The following SDK2 variants were observed in gnomAD, a reference collection of about 807,000 sequenced individuals.
The protein encoded by SDK2 is sidekick cell adhesion molecule 2.
SDK2 carries 105 observed loss-of-function variants against 253.9 expected under a neutral mutation model. That is an observed-to-expected ratio of 0.41 (90% CI 0.35 to 0.49). The LOEUF is 0.49. Among genes scored for constraint, SDK2 ranks in the 20% least tolerant of loss-of-function variants. The pLI, the probability that SDK2 is intolerant of heterozygous loss-of-function variation, is 0.06. For missense variants in SDK2, 2,608 were observed against 3,003.0 expected (o/e 0.87, Z 3.07); for synonymous variants, 1,249 against 1,234.9 (o/e 1.01, Z -0.24).
Position 73,467,638 on chromosome 17 carries a change from A to ATGGGGGAGG in SDK2, c.331+4465_331+4473dup, listed in dbSNP as rs1307813553. Among the ~76,000 whole-genome samples the ATGGGGGAGG allele has an allele frequency of 6.6e-6, 1 of 152,258 alleles. No homozygotes were observed. The highest frequency in any genetic ancestry group is 2.4e-5 in the African/African-American group (1 of 41,556). On this transcript the variant is annotated intron_variant, in intron 3 of 44. Transcript: ENST00000392650. This position sits in a 1 kb window ranked among gnomAD's most constrained non-coding sequence, Gnocchi z 4.1. Reference sequence around the variant, plus strand: ...GCCAGTGTGTCCAGCAAGGGCATGAATGGGGGAGGTATGCTTCTCTCCTTC... The same window carrying ATGGGGGAGG: ...GCCAGTGTGTCCAGCAAGGGCATGAATGGGGGAGGTGGGGGAGGTATGCTTCTCTCCTTC...
At chr17:73,401,806 A>G (rs992864661) in intron 19 of SDK2, 54 bp from the exon 20 acceptor site, 5 of 1,497,210 alleles carry the variant, frequency 3.3e-6, no homozygotes, top group East Asian at 4.9e-5. Context: ...CCAGAGAGAG[A>G]CCACCATCTG....
At chr17:73,412,128 ATGTG>A (rs1456892921) in intron 18 of SDK2, among the ~76,000 whole-genome samples, 4 of 38,604 alleles carry the variant, frequency 1.0e-4, no homozygotes, top group African/African-American at 2.0e-4. Flanking sequence ...ATACGTATAT[ATGTG>A]TATGTGTATA....
At chr17:73,513,262 C>T (rs941046103) in intron 1 of SDK2, among the ~76,000 whole-genome samples, 2 of 152,006 alleles carry the variant, frequency 1.3e-5, no homozygotes, top group Non-Finnish European at 2.9e-5. Context: ...TCCCACAAAT[C>T]AGTAAGAAAA....
At chr17:73,542,656 A>AG (rs1302039664) in intron 1 of SDK2, among the ~76,000 whole-genome samples, 3 of 152,098 alleles carry the variant, frequency 2.0e-5, no homozygotes, top group Non-Finnish European at 4.4e-5. Flanking sequence ...GGGAGGACCC[A>AG]GGGGAAGGGC....
chr17:73,394,011 G>T (rs1364368380), intron 26 of SDK2, among the ~76,000 whole-genome samples, 198 bp downstream of exon 26: 1 of 152,196 alleles, frequency 6.6e-6, no homozygotes, highest in Non-Finnish European at 1.5e-5. Context: ...CTAGGCCCTG[G>T]GTCCTTTCTG....
chr17:73,351,505 A>T (rs2062538299), intron 41 of SDK2, among the ~76,000 whole-genome samples: 1 of 151,922 alleles, frequency 6.6e-6, no homozygotes, highest in Admixed American at 6.6e-5. Flanking sequence ...CTGCAGGAGG[A>T]TGAGAGAGCT....
At chr17:73,514,325 C>T (rs1441141853) in intron 1 of SDK2, among the ~76,000 whole-genome samples, 1 of 152,222 alleles carries the variant, frequency 6.6e-6, no homozygotes, top group Non-Finnish European at 1.5e-5. Context: ...TGACTGCCAT[C>T]TTCCCTTGAT....
chr17:73,605,856 G>A (rs1048561632), intron 1 of SDK2, among the ~76,000 whole-genome samples: 1 of 152,154 alleles, frequency 6.6e-6, no homozygotes, highest in Non-Finnish European at 1.5e-5. Flanking sequence ...CAGATCGGTA[G>A]TCCCTTCTCT....
At chr17:73,591,360 C>A (rs1247839874) in intron 1 of SDK2, among the ~76,000 whole-genome samples, 3 of 152,188 alleles carry the variant, frequency 2.0e-5, no homozygotes, top group Non-Finnish European at 4.4e-5. Flanking sequence ...CTGGTGCCTT[C>A]CCTATTGAGG....
chr17:73,469,530 C>T (rs1034873975), intron 3 of SDK2, among the ~76,000 whole-genome samples: 1 of 152,230 alleles, frequency 6.6e-6, no homozygotes, highest in Non-Finnish European at 1.5e-5. Flanking sequence ...AATGCCAGGA[C>T]CTTTGCCCAT....
At chr17:73,613,342 C>A (rs181834011) in intron 1 of SDK2, among the ~76,000 whole-genome samples, 147 of 151,618 alleles carry the variant, frequency 9.7e-4, no homozygotes, top group Middle Eastern at 3.4e-3. Flanking sequence ...CTCGCTCCCT[C>A]CCCCTCTGCT....
intron 8 of SDK2, among the ~76,000 whole-genome samples, chr17:73,437,537 C>CCTA (rs776596193): frequency 5.9e-5 from 9 of 152,076 alleles, no homozygotes; most frequent in Non-Finnish European, 1.3e-4. Context: ...AGTTTTGGTA[C>CCTA]CGTAAAGGTT....
chr17:73,504,899 A>T (rs1394235481), intron 2 of SDK2, among the ~76,000 whole-genome samples: 1 of 152,096 alleles, frequency 6.6e-6, no homozygotes, highest in African/African-American at 2.4e-5. Flanking sequence ...AGGCCCTTCT[A>T]AGGAGTGCAG....
chr17:73,525,274 C>A (rs997577953), intron 1 of SDK2, among the ~76,000 whole-genome samples: 2 of 152,094 alleles, frequency 1.3e-5, no homozygotes, highest in Non-Finnish European at 2.9e-5. Flanking sequence ...AGGGGGTGAA[C>A]GCCAGGAGGG....
At chr17:73,426,486 G>A (rs547535513) in intron 12 of SDK2, among the ~76,000 whole-genome samples, 2 of 152,014 alleles carry the variant, frequency 1.3e-5, no homozygotes, top group African/African-American at 2.4e-5. Flanking sequence ...CAGCTGTTTT[G>A]TAATTTAACC....
At chr17:73,529,626 G>T (rs1198314784) in intron 1 of SDK2, among the ~76,000 whole-genome samples, 1 of 152,138 alleles carries the variant, frequency 6.6e-6, no homozygotes, top group Non-Finnish European at 1.5e-5. Context: ...AATGACTAGT[G>T]CCCTTACAAG....
chr17:73,379,424 C>A lies in SDK2; in HGVS notation c.4864+24G>T. The A allele has an allele frequency of 1.3e-6, 2 of 1,568,156 alleles. No individual in the cohort carries two copies. The highest frequency in any genetic ancestry group is 2.2e-5 in the East Asian group (1 of 44,486). On this transcript the variant is annotated intron_variant, in intron 35 of 44. Coordinates refer to ENST00000392650, the MANE Select transcript of SDK2 (RefSeq NM_001144952.2). This position sits in a 1 kb window ranked among gnomAD's most constrained non-coding sequence, Gnocchi z 4.5. ...TGGGGCTGGGAAAGGCATGCTGGGGCCGGACAGGGCGGGCGCTGCTCACCT... is the reference window on the plus strand; with the variant it reads ...TGGGGCTGGGAAAGGCATGCTGGGGACGGACAGGGCGGGCGCTGCTCACCT...
At chr17:73,438,897 A>G (rs11655469) in intron 6 of SDK2, among the ~76,000 whole-genome samples, 2 of 151,996 alleles carry the variant, frequency 1.3e-5, no homozygotes, top group Non-Finnish European at 2.9e-5. Context: ...TCTGGGAAAC[A>G]GCGGCTTGAG....
rs1196682535 is a variant in SDK2, at chr17:73,451,966, A to G, written c.479+3940T>C. On this transcript the variant is annotated intron_variant, in intron 4 of 44. Transcript: ENST00000392650. ...GGGCTGGATTCCATTTTTCAGCCAC[A>G]CCCCCTGGTTTCAATGTACTAGGCT... 4.6e-5 allele frequency among the ~76,000 whole-genome samples: 7 copies of G among 151,856 alleles called. No homozygotes were observed. In the South Asian group the frequency reaches 1.5e-3, roughly 32 times the overall value.
Sources: gnomAD v4.1 joint callset for allele counts (sites outside exome capture counted in the v4.1 genomes callset) on GRCh38, gnomAD v4.1.1 for gene constraint, Gnocchi (gnomAD v3.1) non-coding constraint, MANE v1.5 for transcripts, NCBI Gene and HGNC (gene_info 2026-07-23, HGNC 2026-07-21) for gene names.